Variants in NR3C2 observed in about 807,000 individuals in gnomAD.
The protein encoded by NR3C2 is nuclear receptor subfamily 3 group C member 2.
A neutral mutation model predicts 86.4 loss-of-function variants in NR3C2; 15 were observed. The observed-to-expected ratio is 0.17, with a 90% CI of 0.12 to 0.27. The LOEUF (loss-of-function observed/expected upper bound fraction) is 0.27, where lower values mean the gene tolerates loss of function less well. NR3C2 is among the 10% of genes least tolerant of loss of function. The pLI is 1.00. For synonymous variants in NR3C2, 458 were observed against 450.5 expected (o/e 1.02, Z -0.21); for missense variants, 960 against 1,195.6 (o/e 0.80, Z 2.91).
chr4:148,141,446 TCA>T (rs763844203), intron 6 of NR3C2, among the ~76,000 whole-genome samples: 88 of 149,370 alleles, frequency 5.9e-4, no homozygotes, highest in African/African-American at 9.4e-4. Flanking sequence ...TCCCTCTCTC[TCA>T]CACACACACA....
chr4:148,164,450 AGAGT>A (rs1017685223), intron 4 of NR3C2, among the ~76,000 whole-genome samples: 7 of 152,238 alleles, frequency 4.6e-5, no homozygotes, highest in African/African-American at 1.7e-4. Flanking sequence ...TTTAGAAAAT[AGAGT>A]ATCTGCTTTG....
chr4:148,339,901 C>A (rs1744670492), intron 2 of NR3C2, among the ~76,000 whole-genome samples: 1 of 151,888 alleles, frequency 6.6e-6, no homozygotes, highest in African/African-American at 2.4e-5. Flanking sequence ...CTTATATAAG[C>A]CAACAGTGAA....
At chr4:148,209,771 C>T (rs10008249) in intron 3 of NR3C2, among the ~76,000 whole-genome samples, 4,371 of 152,280 alleles carry the variant, frequency 0.029, 178 homozygotes, top group African/African-American at 0.091. Context: ...TACTTGCCTG[C>T]GCCTTCCTCT....
intron 2 of NR3C2, among the ~76,000 whole-genome samples, chr4:148,373,705 C>T (rs903840677): frequency 7.9e-5 from 12 of 151,798 alleles, no homozygotes; most frequent in African/African-American, 1.7e-4. Context: ...CTCCATCTCC[C>T]GACCTTGTAA....
At chr4:148,226,999 G>C (rs11736341) in intron 3 of NR3C2, among the ~76,000 whole-genome samples, 1 of 152,088 alleles carries the variant, frequency 6.6e-6, no homozygotes, top group Admixed American at 6.5e-5. Flanking sequence ...CCTTCACTCA[G>C]CTTCTCCAAA....
At chr4:148,120,411 CAG>C in intron 6 of NR3C2, 123 bp from the exon 7 acceptor site, 2 of 1,142,772 alleles carry the variant, frequency 1.8e-6, no homozygotes, top group African/African-American at 1.5e-5. Flanking sequence ...CAACATGGAG[CAG>C]ATGTGTATTT....
At chr4:148,152,665 T>C in intron 5 of NR3C2, 52 bp from the exon 6 acceptor site, 1 of 1,578,756 alleles carries the variant, frequency 6.3e-7, no homozygotes. Flanking sequence ...TTAAGTACAT[T>C]CCAGGAAGAT....
intron 2 of NR3C2, among the ~76,000 whole-genome samples, chr4:148,400,333 G>A (rs1748081363): frequency 6.6e-6 from 1 of 152,178 alleles, no homozygotes; most frequent in Non-Finnish European, 1.5e-5. Flanking sequence ...AATAGTTGTG[G>A]CTTGGGAAGT....
At chr4:148,269,358 G>C (rs1475696018) in intron 2 of NR3C2, among the ~76,000 whole-genome samples, 1 of 152,100 alleles carries the variant, frequency 6.6e-6, no homozygotes, top group African/African-American at 2.4e-5. Context: ...TGACCTTATC[G>C]ACGGTAGTTT....
chr4:148,205,496 TA>T (rs916305233), intron 3 of NR3C2, among the ~76,000 whole-genome samples: 6 of 152,384 alleles, frequency 3.9e-5, no homozygotes, highest in South Asian at 2.1e-4. Context: ...TACATGTTTT[TA>T]ACCACAGTAA....
At chr4:148,185,921 T>A (rs1735868775) in intron 4 of NR3C2, among the ~76,000 whole-genome samples, 1 of 152,166 alleles carries the variant, frequency 6.6e-6, no homozygotes. Flanking sequence ...AACACCACAA[T>A]GAGTATTTAA....
chr4:148,197,531 A>C (rs997901602), intron 3 of NR3C2, among the ~76,000 whole-genome samples: 8 of 152,210 alleles, frequency 5.3e-5, no homozygotes, highest in African/African-American at 1.7e-4. Flanking sequence ...GATTGTAGGC[A>C]TACAGAATGG....
intron 2 of NR3C2, among the ~76,000 whole-genome samples, chr4:148,382,853 C>T (rs185286400): frequency 1.4e-4 from 21 of 152,112 alleles, no homozygotes; most frequent in East Asian, 3.9e-4. Flanking sequence ...CAGGATCTCA[C>T]GAAGGAAGCT....
At chr4:148,227,271 A>G (rs973889015) in intron 3 of NR3C2, among the ~76,000 whole-genome samples, 2 of 152,134 alleles carry the variant, frequency 1.3e-5, no homozygotes, top group Non-Finnish European at 2.9e-5. Context: ...GAATTGTCTG[A>G]TATCACCTCT....
At chr4:148,183,966 C>A (rs1735761683) in intron 4 of NR3C2, among the ~76,000 whole-genome samples, 1 of 151,918 alleles carries the variant, frequency 6.6e-6, no homozygotes, top group Admixed American at 6.6e-5. Flanking sequence ...GTTGTCACAA[C>A]TGGAGGAGAG....
chr4:148,257,581 A>C (rs1262973327), intron 3 of NR3C2, among the ~76,000 whole-genome samples: 1 of 152,182 alleles, frequency 6.6e-6, no homozygotes, highest in African/African-American at 2.4e-5. Flanking sequence ...AAGGAAAATA[A>C]AATGACACCT....
chr4:148,437,048 G>A lies in NR3C2; in HGVS notation c.-2-186C>T, dbSNP rs540671231. Reference sequence around the variant, plus strand: ...AACAGAGTATTGACTACAGCTTGTCGAGATGTCAGAACAAGAGAAGCGATC... The same window carrying A: ...AACAGAGTATTGACTACAGCTTGTCAAGATGTCAGAACAAGAGAAGCGATC... On this transcript the variant is annotated intron_variant, in intron 1 of 8. Coordinates refer to ENST00000358102, the MANE Select transcript of NR3C2 (RefSeq NM_000901.5). Among the ~76,000 whole-genome samples the A allele has an allele frequency of 5.3e-5, 8 of 152,270 alleles. No individual in the cohort carries two copies. In the East Asian group the frequency reaches 5.8e-4, roughly 11 times the overall value.
chr4:148,154,538 G>A lies in NR3C2; in HGVS notation c.2365+13C>T, dbSNP rs777736072. 5.0e-6 allele frequency: 8 copies of A among 1,612,326 alleles called. No homozygotes were observed. Among genetic ancestry groups the A allele is most frequent in the Non-Finnish European group, 6.8e-6 (8 of 1,178,540 alleles). On this transcript the variant is annotated intron_variant, in intron 5 of 8. Transcript: ENST00000358102. ...GTTCAGGATGCAGCCTGTGAAAGGA[G>A]AGGCAATCCTACCTGGAAGTACCTT...
intron 4 of NR3C2, among the ~76,000 whole-genome samples, chr4:148,179,616 A>C (rs1735552379): frequency 6.6e-6 from 1 of 151,824 alleles, no homozygotes; most frequent in Admixed American, 6.5e-5. Flanking sequence ...CATCATTCAC[A>C]AAATAAGACA....
Sources: allele counts gnomAD v4.1 joint callset (sites outside exome capture counted in the v4.1 genomes callset), GRCh38; gene constraint gnomAD v4.1.1; transcripts MANE v1.5; gene names NCBI Gene and HGNC (gene_info 2026-07-23, HGNC 2026-07-21).